Variants in CTNNA2 observed in about 807,000 individuals in gnomAD.
The protein encoded by CTNNA2 is catenin alpha-2.
CTNNA2 carries 42 observed loss-of-function variants against 101.0 expected under a neutral mutation model. The observed-to-expected ratio is 0.42, with a 90% CI of 0.32 to 0.54. CTNNA2 has a LOEUF of 0.54. Among genes scored for constraint, CTNNA2 ranks in the 20% least tolerant of loss-of-function variants. The probability of loss-of-function intolerance (pLI) is 0.14; values close to 1 mark genes in which losing one functional copy is unlikely to be tolerated. For missense variants in CTNNA2, 871 were observed against 1,223.1 expected, an observed-to-expected ratio of 0.71 and a Z score of 4.29; for synonymous variants, 450 against 456.4, an observed-to-expected ratio of 0.99 and a Z score of 0.18.
chr2:79,751,593 C>CAAAAAAAAAA (rs397985098), intron 3 of CTNNA2, among the ~76,000 whole-genome samples: 15 of 68,920 alleles, frequency 2.2e-4, no homozygotes, highest in Non-Finnish European at 3.5e-4. Context: ...GACTCCATCT[C>CAAAAAAAAAA]AAAAAAAAAA....
At chr2:79,544,288 A>G (rs907768847) in intron 1 of CTNNA2, among the ~76,000 whole-genome samples, 4 of 152,188 alleles carry the variant, frequency 2.6e-5, no homozygotes, top group African/African-American at 9.6e-5. Flanking sequence ...AAATCAGTTG[A>G]GTTGTAGGTT....
At chr2:79,976,724 A>G (rs1361131950) in intron 7 of CTNNA2, among the ~76,000 whole-genome samples, 1 of 152,212 alleles carries the variant, frequency 6.6e-6, no homozygotes, top group Non-Finnish European at 1.5e-5. Flanking sequence ...TCCAAAATGT[A>G]TATAGTACAG....
At chr2:80,586,870 TAAG>T (rs1369253580) in intron 14 of CTNNA2, among the ~76,000 whole-genome samples, 1 of 152,166 alleles carries the variant, frequency 6.6e-6, no homozygotes, top group African/African-American at 2.4e-5. Flanking sequence ...TGGCTACTAG[TAAG>T]AAGCATCTGG....
At chr2:80,546,377 C>T (rs1465013195) in intron 11 of CTNNA2, among the ~76,000 whole-genome samples, 2 of 151,522 alleles carry the variant, frequency 1.3e-5, no homozygotes, top group Non-Finnish European at 2.9e-5. Context: ...AAAAAAGGGC[C>T]AGGGAATATG....
At chr2:79,461,829 A>T (rs906935924) in intron 4 of CTNNA2, among the ~76,000 whole-genome samples, 1 of 152,132 alleles carries the variant, frequency 6.6e-6, no homozygotes, top group African/African-American at 2.4e-5. Context: ...GGAAAAAGAA[A>T]AACATGAAAA....
chr2:79,603,171 A>C (rs181632575), intron 1 of CTNNA2, among the ~76,000 whole-genome samples: 1 of 152,328 alleles, frequency 6.6e-6, no homozygotes, highest in East Asian at 1.9e-4. Context: ...AAAGTTACTG[A>C]GTAAATGATG....
intron 7 of CTNNA2, among the ~76,000 whole-genome samples, chr2:80,165,114 T>C (rs539916653): frequency 8.5e-5 from 13 of 152,128 alleles, no homozygotes; most frequent in Admixed American, 2.6e-4. Flanking sequence ...TTAGTTCTTA[T>C]TCCTTTGACT....
At chr2:80,007,309 A>G (rs1396114495) in intron 7 of CTNNA2, among the ~76,000 whole-genome samples, 1 of 152,188 alleles carries the variant, frequency 6.6e-6, no homozygotes, top group Non-Finnish European at 1.5e-5. Flanking sequence ...AAGTGTATCC[A>G]AGTTTTTCCT....
At chr2:80,376,154 G>GT (rs1167102960) in intron 7 of CTNNA2, among the ~76,000 whole-genome samples, 1 of 151,842 alleles carries the variant, frequency 6.6e-6, no homozygotes, top group Non-Finnish European at 1.5e-5. Flanking sequence ...TTTCCCCTCA[G>GT]TTTTTTGTTT....
At chr2:79,640,987 A>C (rs1680411553) in intron 1 of CTNNA2, among the ~76,000 whole-genome samples, 3 of 152,278 alleles carry the variant, frequency 2.0e-5, no homozygotes, top group African/African-American at 7.2e-5. Flanking sequence ...CAGTATTTGG[A>C]TATTGGAGGA....
Position 80,391,400 on chromosome 2 carries a change from T to A in CTNNA2, c.1057-1811T>A, listed in dbSNP as rs549302013. 9.2e-5 allele frequency among the ~76,000 whole-genome samples: 14 copies of A among 152,264 alleles called. No individual in the cohort carries two copies. The East Asian group carries it at 2.7e-3, about 29-fold the overall frequency. On this transcript the variant is annotated intron_variant, in intron 7 of 18. Transcript: ENST00000402739. ...TTTTGTGTATCTAAAGTGTCTCAAT[T>A]TTTTTCTTTTCACTTTGAAAAGTTT...
chr2:80,268,220 G>A (rs1356239561), intron 7 of CTNNA2, among the ~76,000 whole-genome samples: 2 of 152,198 alleles, frequency 1.3e-5, no homozygotes. Context: ...CTATTTTAAA[G>A]CAAAATTATA....
chr2:79,543,783 A>G (rs1273462281), intron 1 of CTNNA2, among the ~76,000 whole-genome samples: 2 of 152,240 alleles, frequency 1.3e-5, no homozygotes, highest in Non-Finnish European at 2.9e-5. Context: ...TTATGCCTTT[A>G]TCATGATACC....
chr2:80,626,125 CTT>C lies in CTNNA2; in HGVS notation c.2574+6898_2574+6899del, dbSNP rs538659635. On this transcript the variant is annotated intron_variant, in intron 18 of 18. Transcript: ENST00000402739. ...TATATATAAATATGAAATATTTTAA[CTT>C]AAGTCTACTAAATATTTAATGCCCA... 4.0e-3 allele frequency among the ~76,000 whole-genome samples: 610 copies of C among 152,038 alleles called. 7 individuals are homozygous for C. Among genetic ancestry groups the C allele is most frequent in the African/African-American group, 0.012 (508 of 41,520 alleles).
At chr2:79,224,028 A>G (rs145680226) in intron 2 of CTNNA2, among the ~76,000 whole-genome samples, 56 of 152,376 alleles carry the variant, frequency 3.7e-4, no homozygotes, top group Admixed American at 9.8e-4. Flanking sequence ...TTGAGATAAA[A>G]GCATTCTTCC....
At chr2:80,598,520 T>C (rs1436041786) in intron 15 of CTNNA2, among the ~76,000 whole-genome samples, 3 of 152,164 alleles carry the variant, frequency 2.0e-5, no homozygotes, top group Non-Finnish European at 2.9e-5. Flanking sequence ...CCCAGATATT[T>C]TGCTCTCAGA....
At chr2:79,463,065 T>C (rs936548512) in intron 4 of CTNNA2, among the ~76,000 whole-genome samples, 11 of 152,148 alleles carry the variant, frequency 7.2e-5, no homozygotes, top group African/African-American at 2.2e-4. Context: ...ACTGGTCATA[T>C]AGAGTTAGGT....
At position 79,503,712 on chromosome 2, in the gene CTNNA2, C is replaced by T. The variant is rs1472309101; in HGVS notation, c.-134-1342C>T. 2.6e-5 allele frequency among the ~76,000 whole-genome samples: 4 copies of T among 152,116 alleles called. No homozygotes were observed. The East Asian group carries it at 5.8e-4, about 22-fold the overall frequency. ...AGAAAGAGAAGTGAACAGCTATTTT[C>T]CCCCAATGCCCACAATTGTAGGCTG... is the stretch of plus-strand genomic sequence containing the variant. On this transcript the variant is annotated intron_variant, in intron 4 of 21. Coordinates refer to the CTNNA2 transcript ENST00000466387.
At chr2:79,540,764 C>T (rs1363636362) in intron 1 of CTNNA2, among the ~76,000 whole-genome samples, 2 of 152,012 alleles carry the variant, frequency 1.3e-5, no homozygotes, top group South Asian at 2.1e-4. Context: ...ATCTTTGATT[C>T]CGTGACTTTG....
Sources: allele counts gnomAD v4.1 joint callset (sites outside exome capture counted in the v4.1 genomes callset), GRCh38; gene constraint gnomAD v4.1.1; transcripts MANE v1.5; gene names NCBI Gene and HGNC (gene_info 2026-07-23, HGNC 2026-07-21).